PRKDC: variants seen among roughly 807,000 people sequenced by gnomAD.
PRKDC encodes DNA-dependent protein kinase catalytic subunit.
Under a neutral mutation model 486.9 loss-of-function variants are expected in PRKDC, and 82 were observed. The ratio of observed to expected loss-of-function variants is 0.17; its 90% CI spans 0.14 to 0.20. The LOEUF is 0.20. Ranked by LOEUF, PRKDC falls within the 10% of genes least tolerant of loss-of-function variation. The pLI, the probability that PRKDC is intolerant of heterozygous loss-of-function variation, is 1.00. For missense variants in PRKDC, 4,504 were observed against 5,038.2 expected (o/e 0.89, Z 3.21); for synonymous variants, 1,895 against 1,837.0 (o/e 1.03, Z -0.81).
intron 54 of PRKDC, among the ~76,000 whole-genome samples, chr8:47,845,642 T>A: frequency 7.1e-6 from 1 of 141,138 alleles, no homozygotes. Flanking sequence ...AACAGACCAA[T>A]CAGGAGCTCC....
intron 21 of PRKDC, among the ~76,000 whole-genome samples, chr8:47,926,466 T>C (rs549836330): frequency 2.0e-5 from 3 of 152,342 alleles, no homozygotes; most frequent in Admixed American, 6.5e-5. Context: ...ATTTCTTTTT[T>C]TGGCCTCATG....
intron 10 of PRKDC, among the ~76,000 whole-genome samples, chr8:47,940,637 C>G (rs1019371988): frequency 5.3e-5 from 8 of 152,170 alleles, no homozygotes; most frequent in African/African-American, 1.9e-4. Context: ...CAGCATTTTA[C>G]TTAATTACAG....
chr8:47,793,399 G>A (rs927006423), intron 74 of PRKDC, among the ~76,000 whole-genome samples: 2 of 152,126 alleles, frequency 1.3e-5, no homozygotes, highest in Admixed American at 6.5e-5. Context: ...GGAGGCCAAG[G>A]TGGGCGGATC....
At chr8:47,790,959 C>T (rs2086873088) in intron 74 of PRKDC, among the ~76,000 whole-genome samples, 1 of 152,214 alleles carries the variant, frequency 6.6e-6, no homozygotes, top group Non-Finnish European at 1.5e-5. Context: ...AATAAAACTA[C>T]AAAAACAAAA....
At chr8:47,825,473 C>CACTCCA (rs1436073749) in intron 63 of PRKDC, among the ~76,000 whole-genome samples, 1 of 121,736 alleles carries the variant, frequency 8.2e-6, no homozygotes, top group African/African-American at 3.2e-5. Context: ...TGTGCCACTG[C>CACTCCA]ACTCCAACTG....
chr8:47,785,728 C>A (rs1013455004), intron 76 of PRKDC, among the ~76,000 whole-genome samples: 1 of 143,488 alleles, frequency 7.0e-6, no homozygotes, highest in African/African-American at 2.6e-5. Context: ...CGAGTGAGAC[C>A]GTGTCTCTAA....
At chr8:47,801,043 AAAG>A in intron 70 of PRKDC, 57 bp from the exon 71 acceptor site, 1 of 1,485,480 alleles carries the variant, frequency 6.7e-7, no homozygotes, top group East Asian at 2.3e-5. Flanking sequence ...GTGGAATTAA[AAAG>A]AAGAAATTCA....
intron 85 of PRKDC, 36 bp from the exon 86 acceptor site, chr8:47,774,413 G>A: frequency 6.3e-7 from 1 of 1,588,872 alleles, no homozygotes; most frequent in Non-Finnish European, 8.6e-7. Flanking sequence ...CACAAAGCAT[G>A]TGTCATTGTC....
At chr8:47,906,667 C>T (rs1350397887) in intron 25 of PRKDC, among the ~76,000 whole-genome samples, 1 of 150,924 alleles carries the variant, frequency 6.6e-6, no homozygotes, top group Admixed American at 6.9e-5. Flanking sequence ...TTAAGGTGAA[C>T]ACTCCCTACA....
chr8:47,869,450 A>G (rs2088895828), intron 40 of PRKDC, among the ~76,000 whole-genome samples: 1 of 151,500 alleles, frequency 6.6e-6, no homozygotes, highest in Non-Finnish European at 1.5e-5. Context: ...CTTGAAGGGA[A>G]GGGCTCAGTC....
intron 7 of PRKDC, among the ~76,000 whole-genome samples, chr8:47,953,349 T>C: frequency 6.6e-6 from 1 of 152,158 alleles, no homozygotes; most frequent in East Asian, 1.9e-4. Context: ...CAGAACTAAA[T>C]ACACATACAC....
In PRKDC at chr8:47,835,082, C is replaced by T. The variant is rs528293733; in HGVS notation, c.7952-686G>A. 2.6e-5 allele frequency among the ~76,000 whole-genome samples: 4 copies of T among 152,196 alleles called. No homozygotes were observed. In the South Asian group the frequency reaches 8.3e-4, roughly 32 times the overall value. On this transcript the variant is annotated intron_variant, in intron 58 of 85. Transcript: ENST00000314191. ...ACCAACAAAATGTGCAAAAAAATTA[C>T]ACAAAGGAGAAACGTTAAAGAGTTT...
intron 10 of PRKDC, among the ~76,000 whole-genome samples, chr8:47,942,746 C>T (rs148170115): frequency 2.1e-3 from 324 of 152,354 alleles, no homozygotes; most frequent in African/African-American, 7.1e-3. Context: ...GCCGACCAGA[C>T]AAGCTTCCAC....
At position 47,798,840 on chromosome 8, in the gene PRKDC, C is replaced by T. The variant is rs373215145; in HGVS notation, c.10297+370G>A. Among the ~76,000 whole-genome samples the T allele has an allele frequency of 4.0e-3, 607 of 151,572 alleles. 5 individuals are homozygous for T. Among genetic ancestry groups the T allele is most frequent in the South Asian group, 0.025 (122 of 4,806 alleles). ...CTTTTTTTTTTTTGAGATGGAGTCT[C>T]GCTCTGTCACCCAGGCTGGTGTGCA... is the stretch of plus-strand genomic sequence containing the variant. On this transcript the variant is annotated intron_variant, in intron 72 of 85. Transcript: ENST00000314191.
At chr8:47,833,586 T>C (rs528881135) in intron 59 of PRKDC, among the ~76,000 whole-genome samples, 1 of 152,254 alleles carries the variant, frequency 6.6e-6, no homozygotes, top group South Asian at 2.1e-4. Context: ...TCAGTCCCCG[T>C]GCCTTCCTCT....
At chr8:47,814,520 A>G (rs1360490202) in intron 68 of PRKDC, among the ~76,000 whole-genome samples, 1 of 152,228 alleles carries the variant, frequency 6.6e-6, no homozygotes, top group Non-Finnish European at 1.5e-5. Flanking sequence ...ATATATAAAA[A>G]GCAATTACAT....
At chr8:47,912,624 G>T (rs2089924287) in intron 24 of PRKDC, 62 bp from the exon 25 acceptor site, 14 of 1,435,090 alleles carry the variant, frequency 9.8e-6, no homozygotes, top group Non-Finnish European at 1.2e-5. Flanking sequence ...GAGAATATTT[G>T]AAATGTCACT....
At chr8:47,851,716 A>T (rs921566043) in intron 52 of PRKDC, among the ~76,000 whole-genome samples, 2 of 152,190 alleles carry the variant, frequency 1.3e-5, no homozygotes, top group Admixed American at 1.3e-4. Flanking sequence ...GGGAGCAGTG[A>T]GTGAGGCCAA....
At chr8:47,792,667 A>C (rs531711641) in intron 74 of PRKDC, among the ~76,000 whole-genome samples, 2 of 152,296 alleles carry the variant, frequency 1.3e-5, no homozygotes, top group African/African-American at 4.8e-5. Context: ...TACTCCACTT[A>C]CCCTGATGTG....
Sources: allele counts gnomAD v4.1 joint callset (sites outside exome capture counted in the v4.1 genomes callset), GRCh38; gene constraint gnomAD v4.1.1; transcripts MANE v1.5; gene names NCBI Gene and HGNC (gene_info 2026-07-23, HGNC 2026-07-21).